Variants in TRIM33 observed in about 807,000 individuals in gnomAD.
TRIM33 encodes tripartite motif containing 33, also known as E3 ubiquitin-protein ligase TRIM33.
In TRIM33, 20 loss-of-function variants were observed where a neutral mutation model predicts 125.4. That is an observed-to-expected ratio of 0.16 (90% CI 0.11 to 0.23). The LOEUF (loss-of-function observed/expected upper bound fraction) is 0.23. TRIM33 is among the 10% of genes least tolerant of loss of function. TRIM33 has a pLI of 1.00. For synonymous variants in TRIM33, 564 were observed against 513.9 expected, an observed-to-expected ratio of 1.10 and a Z score of -1.32; for missense variants, 920 against 1,411.4, an observed-to-expected ratio of 0.65 and a Z score of 5.58.
intron 4 of TRIM33, among the ~76,000 whole-genome samples, chr1:114,453,313 G>A (rs1174491767): frequency 2.0e-5 from 3 of 148,468 alleles, no homozygotes; most frequent in Admixed American, 6.7e-5. Context: ...GCAGTGAGCC[G>A]AGATCATGCC....
At chr1:114,435,412 A>G (rs964491465) in intron 4 of TRIM33, among the ~76,000 whole-genome samples, 1 of 152,200 alleles carries the variant, frequency 6.6e-6, no homozygotes, top group African/African-American at 2.4e-5. Context: ...ATTGGAAATG[A>G]GTTCACAATT....
At chr1:114,398,898 C>CAAAAAAAAAAAAAAAAAAAAAAAAAAAAA (rs372853872) in intron 18 of TRIM33, among the ~76,000 whole-genome samples, 3 of 60,784 alleles carry the variant, frequency 4.9e-5, no homozygotes, top group Non-Finnish European at 6.4e-5. Context: ...AACTTACCCT[C>CAAAAAAAAAAAAAAAAAAAAAAAAAAAAA]AAAAAAAAAA....
In TRIM33 at chr1:114,394,641, A is replaced by G. The variant is rs529128354; in HGVS notation, c.*3007T>C. On this transcript the variant is annotated 3_prime_UTR_variant, in exon 20 of 20. Transcript: ENST00000358465. ...GAAAGTACCAACTTGTTGATCCAAA[A>G]ATAATAATTTCAATAGTGGATCCAA... is the stretch of plus-strand genomic sequence containing the variant. 3.9e-4 allele frequency: 81 copies of G among 205,366 alleles called. No homozygotes were observed. The highest frequency in any genetic ancestry group is 6.6e-4 in the Non-Finnish European group (66 of 100,214). The allele number at this position is 205,366 out of a possible 1,614,324, so 12.7% of individuals were successfully genotyped here. A position where few individuals can be genotyped will look rare whatever the true frequency, so the allele number is the denominator to read the frequency against.
intron 4 of TRIM33, among the ~76,000 whole-genome samples, chr1:114,447,990 G>C (rs530439598): frequency 6.6e-6 from 1 of 152,332 alleles, no homozygotes; most frequent in African/African-American, 2.4e-5. Flanking sequence ...ATTCTTTCAA[G>C]AAGTTTTTCA....
At chr1:114,429,712 G>GA (rs369363655) in intron 6 of TRIM33, among the ~76,000 whole-genome samples, 1 of 151,250 alleles carries the variant, frequency 6.6e-6, no homozygotes. Flanking sequence ...CAATGGTGCA[G>GA]AAAAAATAAT....
chr1:114,398,929 AAC>A (rs1401201849), intron 18 of TRIM33, among the ~76,000 whole-genome samples: 22 of 149,854 alleles, frequency 1.5e-4, no homozygotes, highest in Non-Finnish European at 2.7e-4. Context: ...AACAAAACAA[AAC>A]AAAAAACAAA....
At chr1:114,466,069 C>T (rs1247434968) in intron 1 of TRIM33, among the ~76,000 whole-genome samples, 1 of 151,414 alleles carries the variant, frequency 6.6e-6, no homozygotes, top group Non-Finnish European at 1.5e-5. Flanking sequence ...ATAAAAAGAT[C>T]TTGGTAAAAG....
intron 15 of TRIM33, among the ~76,000 whole-genome samples, chr1:114,403,101 A>G (rs1027129194): frequency 1.3e-5 from 2 of 152,194 alleles, no homozygotes; most frequent in African/African-American, 4.8e-5. Context: ...GGAATGCATT[A>G]TAAAAATGGC....
At chr1:114,491,412 G>A (rs906718669) in intron 1 of TRIM33, among the ~76,000 whole-genome samples, 4 of 152,180 alleles carry the variant, frequency 2.6e-5, no homozygotes, top group African/African-American at 7.2e-5. Flanking sequence ...AGGAAATGCA[G>A]GATTAGGTTC....
At position 114,425,644 on chromosome 1, in the gene TRIM33, G is replaced by C; in HGVS notation, c.1500C>G (p.Asn500Lys). Residue 500 changes from asparagine (N) to lysine (K), a missense_variant, in exon 9 of 20, where the codon AAC (asparagine) becomes AAG (lysine). Physicochemically the swap from Asn to Lys is moderately conservative, Grantham distance 94. Around this residue, in one of 8 missense-constraint regions of TRIM33, gnomAD observed 407 missense variants for 589.7 expected, o/e 0.69. Transcript: ENST00000358465. Reference sequence around the variant, plus strand: ...TCTGTCCAGGGGTTTTACTAATGTGGTTTGTCCCTGGAGGAACTTGCCCAA... The same window carrying C: ...TCTGTCCAGGGGTTTTACTAATGTGCTTTGTCCCTGGAGGAACTTGCCCAA... ...VVVGQVPPGT[N>K]HISKTPGQIN... 3.7e-6 allele frequency: 6 copies of C among 1,614,106 alleles called. No homozygotes were observed. Among genetic ancestry groups the C allele is most frequent in the Non-Finnish European group, 5.1e-6 (6 of 1,180,014 alleles).
At chr1:114,426,548 C>T (rs931298500) in intron 8 of TRIM33, among the ~76,000 whole-genome samples, 3 of 148,312 alleles carry the variant, frequency 2.0e-5, no homozygotes, top group African/African-American at 7.5e-5. Flanking sequence ...CCAGCCTCTG[C>T]TTTTACAATT....
At chr1:114,461,265 TA>T (rs1212387188) in intron 4 of TRIM33, among the ~76,000 whole-genome samples, 2 of 146,140 alleles carry the variant, frequency 1.4e-5, no homozygotes, top group African/African-American at 5.0e-5. Context: ...ATTTTATATA[TA>T]TTATATATTT....
At chr1:114,412,876 A>G (rs1652681523) in intron 11 of TRIM33, among the ~76,000 whole-genome samples, 1 of 152,246 alleles carries the variant, frequency 6.6e-6, no homozygotes, top group Non-Finnish European at 1.5e-5. Context: ...TAAAAGCAGA[A>G]TGGCTGAATC....
rs1337989464 is a variant in TRIM33, at chr1:114,487,919, AAAAAAAAAAAAT to A, written c.526+22620_526+22631del. Among the ~76,000 whole-genome samples, 95 of 150,692 alleles carry A rather than the reference AAAAAAAAAAAAT, an allele frequency of 6.3e-4. 2 individuals carry two copies. The highest frequency in any genetic ancestry group is 2.2e-3 in the African/African-American group (91 of 41,286). On this transcript the variant is annotated intron_variant, in intron 1 of 19. Transcript: ENST00000358465. ...ACTCCGTCTCAAAAAAAAAAAAAAA[AAAAAAAAAAAAT>A]GAGAGTAAATATAATAGATTTCTTC...
chr1:114,430,573 AT>A (rs1270368840), intron 6 of TRIM33, among the ~76,000 whole-genome samples: 1 of 152,210 alleles, frequency 6.6e-6, no homozygotes, highest in Non-Finnish European at 1.5e-5. Flanking sequence ...CTAAGAGGAC[AT>A]CACTATTTCC....
intron 11 of TRIM33, 83 bp downstream of exon 11, chr1:114,421,351 TAA>T (rs34764124): frequency 1.2e-3 from 1,274 of 1,083,732 alleles, no homozygotes; most frequent in Non-Finnish European, 1.4e-3. Context: ...GATCCTGAAT[TAA>T]AAAAAAAAAA....
chr1:114,408,236 T>G (rs1187814384), intron 13 of TRIM33, among the ~76,000 whole-genome samples: 2 of 152,154 alleles, frequency 1.3e-5, no homozygotes, highest in African/African-American at 2.4e-5. Flanking sequence ...CTGATAGTGA[T>G]GTAAACAAAT....
intron 15 of TRIM33, chr1:114,404,984 A>C (rs551539018): frequency 6.5e-6 from 1 of 153,582 alleles, no homozygotes; most frequent in South Asian, 2.1e-4. Flanking sequence ...AAGAGGTTGC[A>C]TGAACATAAA....
intron 5 of TRIM33, among the ~76,000 whole-genome samples, chr1:114,431,984 T>C (rs1424353811): frequency 6.6e-6 from 1 of 152,200 alleles, no homozygotes; most frequent in Admixed American, 6.5e-5. Flanking sequence ...CAGACTCCTA[T>C]TGGATTTAAT....
Sources: gnomAD v4.1 joint callset for allele counts (sites outside exome capture counted in the v4.1 genomes callset) on GRCh38, gnomAD v4.1.1 for gene constraint, gnomAD v4.1.1 regional missense constraint, MANE v1.5 for transcripts, NCBI Gene and HGNC (gene_info 2026-07-23, HGNC 2026-07-21) for gene names.